Variants in ZBTB1 observed in about 807,000 individuals in gnomAD.
The protein encoded by ZBTB1 is zinc finger and BTB domain-containing protein 1.
A neutral mutation model predicts 51.6 loss-of-function variants in ZBTB1; 13 were observed. The observed-to-expected ratio is 0.25, with a 90% CI of 0.16 to 0.40. The LOEUF (loss-of-function observed/expected upper bound fraction) is 0.40, where lower values mean the gene tolerates loss of function less well. ZBTB1 is among the 10% of genes least tolerant of loss of function. The probability of loss-of-function intolerance (pLI) is 1.00; values close to 1 mark genes in which losing one functional copy is unlikely to be tolerated. For missense variants in ZBTB1, 567 were observed against 856.5 expected (o/e 0.66, Z 4.22); for synonymous variants, 240 against 282.2 (o/e 0.85, Z 1.50).
At chr14:64,526,479 C>G (rs868244060), downstream of ZBTB1, among the ~76,000 whole-genome samples, 6 of 152,140 alleles carry the variant, frequency 3.9e-5, no homozygotes, top group Non-Finnish European at 8.8e-5. Flanking sequence ...AAAGGAGAAT[C>G]TACACAGATA....
downstream of ZBTB1, among the ~76,000 whole-genome samples, chr14:64,526,969 CTAGGAGT>C (rs1419622350): frequency 1.3e-5 from 2 of 151,664 alleles, no homozygotes; most frequent in Non-Finnish European, 2.9e-5. Context: ...TCAATAGAGC[CTAGGAGT>C]TCAAGGGAGC....
chr14:64,518,924 A>ATATATATATATATATATATG (rs1417845066), intron 1 of ZBTB1, among the ~76,000 whole-genome samples: 1 of 141,192 alleles, frequency 7.1e-6, no homozygotes, highest in African/African-American at 2.7e-5. Context: ...ATATATATAT[A>ATATATATATATATATATATG]TATATATATA....
rs2079616365 is a variant in ZBTB1, at chr14:64,504,884, T to C, written c.-81T>C. Reference sequence around the variant, plus strand: ...CGGCCCCTTCGCCTTCGCCCGCCTTTCCCGCGGCTGATTTGCCTTAAACTC... The same window carrying C: ...CGGCCCCTTCGCCTTCGCCCGCCTTCCCCGCGGCTGATTTGCCTTAAACTC... On this transcript the variant is annotated 5_prime_UTR_variant, in exon 1 of 2. Coordinates refer to ENST00000683701, the MANE Select transcript of ZBTB1 (RefSeq NM_001123329.2). The C allele has an allele frequency of 2.5e-6, 1 of 396,518 alleles. No homozygotes were observed. The highest frequency in any genetic ancestry group is 4.5e-6 in the Non-Finnish European group (1 of 224,690). 24.6% of individuals were successfully genotyped at this position (396,518 alleles called of 1,614,324 possible). A position where few individuals can be genotyped will look rare whatever the true frequency, so the allele number is the denominator to read the frequency against.
rs1188828234 is a variant in ZBTB1, at chr14:64,524,527, A to G, written c.*881A>G. ...ATAAATAGACTTTAATAGCTCTCTA[A>G]GAATATGACCTCTAAAGGAAAAGAT... is the stretch of plus-strand genomic sequence containing the variant. On this transcript the variant is annotated 3_prime_UTR_variant, in exon 2 of 2. Coordinates refer to ENST00000683701, the MANE Select transcript of ZBTB1 (RefSeq NM_001123329.2). The G allele has an allele frequency of 1.0e-6, 1 of 978,348 alleles. No individual in the cohort carries two copies. Among genetic ancestry groups the G allele is most frequent in the Non-Finnish European group, 1.2e-6 (1 of 823,620 alleles). 60.6% of individuals were successfully genotyped at this position (978,348 alleles called of 1,614,324 possible).
Position 64,523,533 on chromosome 14 carries a change from T to G in ZBTB1, c.2029T>G (p.Leu677Val). The G allele has an allele frequency of 6.3e-7, 1 of 1,584,236 alleles. No homozygotes were observed. The highest frequency in any genetic ancestry group is 8.6e-7 in the Non-Finnish European group (1 of 1,164,416). The change falls in exon 2 of 2, where the codon TTG (leucine) becomes GTG (valine). Residue 677 changes from leucine (L) to valine (V), a missense_variant. By Grantham distance (32) the Leu-to-Val change is conservative. This residue lies in a region of ZBTB1 where 69 missense variants were observed against 171.8 expected (regional missense o/e 0.40). Transcript: ENST00000683701. This position sits in a 1 kb window ranked among gnomAD's most constrained non-coding sequence, Gnocchi z 4.5. The stretch of plus-strand genomic sequence containing the variant: ...TCAGATATTCCCAAATAATGAACAG[T>G]TGGAGCAGCACATGGATGTTCATCT... ...CFQIFPNNEQLEQHMDVHLYT... is the reference protein window; with the variant it reads ...CFQIFPNNEQVEQHMDVHLYT...
chr14:64,526,575 C>A (rs1261127024), downstream of ZBTB1, among the ~76,000 whole-genome samples: 4 of 152,166 alleles, frequency 2.6e-5, no homozygotes, highest in East Asian at 7.7e-4. Flanking sequence ...AGCAAGAAAA[C>A]CCAGAGGAAT....
chr14:64,532,153 G>A, exon 3 of ZBTB1: 1 of 395,502 alleles, frequency 2.5e-6, no homozygotes, highest in Non-Finnish European at 4.5e-6. Context: ...AAAGTAACTA[G>A]AAAATTCATA....
At chr14:64,512,526 T>G (rs2079735993) in intron 1 of ZBTB1, among the ~76,000 whole-genome samples, 1 of 152,198 alleles carries the variant, frequency 6.6e-6, no homozygotes, top group African/African-American at 2.4e-5. Flanking sequence ...GTCTTTAGGG[T>G]GTGGGTATAA....
chr14:64,522,728 TAA>T lies in ZBTB1; in HGVS notation c.1225_1226del (p.Asn409GlnfsTer10). On this transcript the variant is annotated frameshift_variant, in exon 2 of 2. Transcript: ENST00000683701. LOFTEE classifies it high-confidence loss of function. The part of the protein sequence containing the change: ...RGGLENMRPP[N>X]NSSPVQEDAE... ...GTGGTTTAGAGAATATGAGGCCCCC[TAA>T]CAACAGCAGTCCAGTACAAGAGGAT... 1 of 1,614,202 alleles carries T rather than the reference TAA, an allele frequency of 6.2e-7. No individual in the cohort carries two copies. Among genetic ancestry groups the T allele is most frequent in the Admixed American group, 1.7e-5 (1 of 60,018 alleles).
chr14:64,508,255 T>G (rs918736487), intron 1 of ZBTB1, among the ~76,000 whole-genome samples: 17 of 152,360 alleles, frequency 1.1e-4, no homozygotes, highest in African/African-American at 4.1e-4. Context: ...ATTTGAAGAT[T>G]AAAGAATTAA....
At chr14:64,532,562 C>A (rs2079950192) in exon 3 of ZBTB1, 1 of 152,090 alleles carries the variant, frequency 6.6e-6, no homozygotes, top group Non-Finnish European at 1.5e-5. Flanking sequence ...CCCTTTTAAA[C>A]CTGTTAACTT....
At chr14:64,520,422 C>T (rs117066572) in intron 1 of ZBTB1, among the ~76,000 whole-genome samples, 3,390 of 152,266 alleles carry the variant, frequency 0.022, 43 homozygotes, top group Middle Eastern at 0.054. Flanking sequence ...TCAAGCCATC[C>T]TCCTGCATCA....
chr14:64,504,472 A>AGGT (rs1199504687), upstream of ZBTB1: 1 of 155,862 alleles, frequency 6.4e-6, no homozygotes, highest in Admixed American at 6.5e-5. Context: ...GAGGAGGAGG[A>AGGT]GGTCCCAAGC....
At chr14:64,531,805 G>A in intron 2 of ZBTB1, 1 of 1,603,420 alleles carries the variant, frequency 6.2e-7, no homozygotes, top group Non-Finnish European at 8.5e-7. Context: ...GTATCTTGTA[G>A]AGCAGTCAAC....
downstream of ZBTB1, among the ~76,000 whole-genome samples, chr14:64,525,747 T>C (rs576486007): frequency 6.6e-6 from 1 of 152,330 alleles, no homozygotes; most frequent in Non-Finnish European, 1.5e-5. Context: ...ATATATAAAC[T>C]TTACTCTCTA....
intron 1 of ZBTB1, among the ~76,000 whole-genome samples, chr14:64,520,861 T>C (rs1042539056): frequency 3.3e-5 from 5 of 149,748 alleles, no homozygotes; most frequent in African/African-American, 1.2e-4. Context: ...AGAGTTGTTT[T>C]CTTTTTTTTT....
At position 64,523,097 on chromosome 14, in the gene ZBTB1, C is replaced by T. The variant is rs374473162; in HGVS notation, c.1593C>T (p.Ala531=). ...IQKKQLFKHS[A]CPFRCPNCGQ... is the part of the protein sequence containing the mutation. ...AAAAGCAGTTATTTAAACATTCTGCCTGCCCTTTTCGATGTCCTAATTGTG... is the reference window on the plus strand; with the variant it reads ...AAAAGCAGTTATTTAAACATTCTGCTTGCCCTTTTCGATGTCCTAATTGTG... Residue 531 remains alanine, a synonymous_variant, in exon 2 of 2, where the codon GCC becomes GCT. Coordinates refer to ENST00000683701, the MANE Select transcript of ZBTB1 (RefSeq NM_001123329.2). This position sits in a 1 kb window ranked among gnomAD's most constrained non-coding sequence, Gnocchi z 4.5. The T allele has an allele frequency of 2.5e-6, 4 of 1,614,178 alleles. No individual in the cohort carries two copies. The highest frequency in any genetic ancestry group is 2.2e-5 in the East Asian group (1 of 44,884).
intron 1 of ZBTB1, among the ~76,000 whole-genome samples, chr14:64,512,567 A>G (rs773572710): frequency 2.8e-4 from 42 of 152,290 alleles, no homozygotes; most frequent in Admixed American, 3.3e-4. Flanking sequence ...TATTGTTTCT[A>G]TGGGAATATG....
At position 64,523,502 on chromosome 14, in the gene ZBTB1, C is replaced by G. The variant is rs1445061599; in HGVS notation, c.1998C>G (p.Val666=). The change falls in exon 2 of 2, where the codon GTC becomes GTG. Residue 666 remains valine (V), a synonymous_variant. Coordinates refer to ENST00000683701, the MANE Select transcript of ZBTB1 (RefSeq NM_001123329.2). The surrounding 1 kb of genome is among the most constrained non-coding windows in gnomAD (Gnocchi z 4.5). Reference sequence around the variant, plus strand: ...CTGCTGGTGAGACTATATGCCAGGTCTGCTTTCAGATATTCCCAAATAATG... The same window carrying G: ...CTGCTGGTGAGACTATATGCCAGGTGTGCTTTCAGATATTCCCAAATAATG... ...HLSAGETICQ[V]CFQIFPNNEQ... is the part of the protein sequence containing the mutation. 9 of 1,608,056 alleles carry G rather than the reference C, an allele frequency of 5.6e-6. No individual in the cohort carries two copies. The highest frequency in any genetic ancestry group is 1.7e-5 in the Admixed American group (1 of 59,176).
Sources: allele counts gnomAD v4.1 joint callset (sites outside exome capture counted in the v4.1 genomes callset), GRCh38; gene constraint gnomAD v4.1.1; regional missense constraint gnomAD v4.1.1; non-coding constraint Gnocchi (gnomAD v3.1); transcripts MANE v1.5; gene names NCBI Gene and HGNC (gene_info 2026-07-23, HGNC 2026-07-21).